Variants in GPC3 observed in about 807,000 individuals in gnomAD.
The protein encoded by GPC3 is glypican-3.
GPC3 carries 3 observed loss-of-function variants against 34.4 expected under a neutral mutation model. That is an observed-to-expected ratio of 0.09 (90% confidence interval 0.04 to 0.23). GPC3 has a LOEUF of 0.23. Ranked by LOEUF, GPC3 falls within the 10% of genes least tolerant of loss-of-function variation. GPC3 has a pLI of 1.00. For missense variants in GPC3, 351 were observed against 445.6 expected (o/e 0.79, Z 1.91); for synonymous variants, 177 against 174.0 (o/e 1.02, Z -0.13).
intron 6 of GPC3, among the ~76,000 whole-genome samples, chrX:133,624,503 A>G (rs2070274485): frequency 8.9e-6 from 1 of 111,968 alleles, no homozygotes; most frequent in African/African-American, 3.2e-5. Flanking sequence ...ACAGAAATAC[A>G]AACTACCATC....
chrX:133,788,088 T>TTATATATATA (rs56318773), intron 2 of GPC3, among the ~76,000 whole-genome samples: 1,563 of 64,655 alleles, frequency 0.024, 30 homozygotes, highest in Middle Eastern at 0.037. Flanking sequence ...TCATATTATT[T>TTATATATATA]TATATATATA....
At chrX:133,979,027 A>T (rs779384211) in intron 1 of GPC3, among the ~76,000 whole-genome samples, 1 of 112,412 alleles carries the variant, frequency 8.9e-6, no homozygotes, top group African/African-American at 3.2e-5. Context: ...AAAAATACAG[A>T]ATATTTTCAA....
At chrX:133,740,978 C>T (rs973822679) in intron 3 of GPC3, among the ~76,000 whole-genome samples, 7 of 110,644 alleles carry the variant, frequency 6.3e-5, no homozygotes, top group African/African-American at 2.3e-4. Context: ...CTCATTTAAT[C>T]TTAATCACTT....
At chrX:133,779,838 C>A in intron 2 of GPC3, among the ~76,000 whole-genome samples, 1 of 111,377 alleles carries the variant, frequency 9.0e-6, no homozygotes, top group Middle Eastern at 4.7e-3. Context: ...TATCCCCACC[C>A]CCAAGCCATT....
chrX:133,536,026 CAAAA>C lies in GPC3; in HGVS notation c.*94_*97del. ...TGGCTGGAGGAGGTATACAGGATAA[CAAAA>C]AAAAAAAAATAGAAAAAAATAAGAA... On this transcript the variant is annotated 3_prime_UTR_variant, in exon 8 of 8. Coordinates refer to ENST00000370818, the MANE Select transcript of GPC3 (RefSeq NM_004484.4). 3.6e-6 allele frequency: 2 copies of C among 551,737 alleles called. No homozygotes were observed. Among genetic ancestry groups the C allele is most frequent in the Non-Finnish European group, 5.6e-6 (2 of 355,595 alleles). The allele number at this position is 551,737 out of a possible 1,213,427, so 45.5% of individuals were successfully genotyped here.
intron 3 of GPC3, among the ~76,000 whole-genome samples, chrX:133,749,736 A>G (rs978613328): frequency 3.6e-5 from 4 of 111,524 alleles, no homozygotes; most frequent in African/African-American, 1.3e-4. Flanking sequence ...CTGAACCTCA[A>G]GCAGGACTGA....
At chrX:133,757,355 G>C (rs1219550795) in intron 2 of GPC3, among the ~76,000 whole-genome samples, 1 of 111,226 alleles carries the variant, frequency 9.0e-6, no homozygotes. Context: ...TGTTCAAAAA[G>C]GGATACAATT....
chrX:133,776,878 C>CTTTT lies in GPC3; in HGVS notation c.338-22706_338-22703dup, dbSNP rs10633635. On this transcript the variant is annotated intron_variant, in intron 2 of 7. Coordinates refer to ENST00000370818, the MANE Select transcript of GPC3 (RefSeq NM_004484.4). The stretch of plus-strand genomic sequence containing the variant: ...AGGAAGTAGTCACGTCCTTTCTTTT[C>CTTTT]TTTTTTTTTTTTTTTTTTTGAGATG... 3.6e-3 allele frequency among the ~76,000 whole-genome samples: 289 copies of CTTTT among 79,602 alleles called. 15 individuals are homozygous for CTTTT. The highest frequency in any genetic ancestry group is 5.1e-3 in the Admixed American group (28 of 5,449). 69.1% of individuals were successfully genotyped at this position (79,602 alleles called of 115,157 possible). A position where few individuals can be genotyped will look rare whatever the true frequency, so the allele number is the denominator to read the frequency against.
chrX:133,642,648 T>G (rs2070491812), intron 6 of GPC3, among the ~76,000 whole-genome samples: 1 of 108,923 alleles, frequency 9.2e-6, no homozygotes, highest in Non-Finnish European at 1.9e-5. Flanking sequence ...GGCGCATGCC[T>G]GTAATCCCAG....
At chrX:133,696,316 G>A (rs1300806662) in intron 4 of GPC3, among the ~76,000 whole-genome samples, 3 of 112,050 alleles carry the variant, frequency 2.7e-5, no homozygotes, top group Non-Finnish European at 5.6e-5. Flanking sequence ...AGGTGATAAT[G>A]TCCTCTGACA....
intron 6 of GPC3, among the ~76,000 whole-genome samples, chrX:133,599,882 A>G (rs1427889837): frequency 9.0e-6 from 1 of 111,489 alleles, no homozygotes; most frequent in African/African-American, 3.3e-5. Context: ...ATGTACTATG[A>G]GCTGTTCTTC....
intron 2 of GPC3, among the ~76,000 whole-genome samples, chrX:133,879,084 C>T (rs768207202): frequency 5.4e-5 from 6 of 111,218 alleles, no homozygotes; most frequent in Non-Finnish European, 9.4e-5. Flanking sequence ...TGCTGGATTA[C>T]TGTGGCTTTG....
intron 3 of GPC3, among the ~76,000 whole-genome samples, chrX:133,716,548 T>C (rs2071315233): frequency 8.9e-6 from 1 of 112,164 alleles, no homozygotes; most frequent in African/African-American, 3.2e-5. Flanking sequence ...AGTTCATTAA[T>C]GGGGCTTAGC....
chrX:133,554,339 G>T (rs1488809187), intron 7 of GPC3, among the ~76,000 whole-genome samples: 3 of 105,061 alleles, frequency 2.9e-5, no homozygotes, highest in Admixed American at 1.0e-4. Flanking sequence ...TTAGAGATGG[G>T]GTCTCACTCT....
intron 1 of GPC3, among the ~76,000 whole-genome samples, chrX:133,968,349 G>A (rs1431705121): frequency 8.9e-6 from 1 of 112,189 alleles, no homozygotes; most frequent in Non-Finnish European, 1.9e-5. Context: ...ACACATACTG[G>A]GTTCTCAAAA....
At chrX:133,658,178 T>C (rs1452115946) in intron 6 of GPC3, among the ~76,000 whole-genome samples, 2 of 107,506 alleles carry the variant, frequency 1.9e-5, no homozygotes, top group African/African-American at 7.5e-5. Flanking sequence ...ATCTGGATGA[T>C]TGATTGAGTT....
chrX:133,762,829 T>A (rs2071808638), intron 2 of GPC3: 6 of 521,655 alleles, frequency 1.2e-5, no homozygotes, highest in Non-Finnish European at 2.1e-5. Flanking sequence ...GCAAATGAAA[T>A]AGAAGGGTGT....
chrX:133,623,729 T>A (rs1054285621), intron 6 of GPC3, among the ~76,000 whole-genome samples: 1 of 111,567 alleles, frequency 9.0e-6, no homozygotes, highest in African/African-American at 3.3e-5. Context: ...AACACCCCAC[T>A]GCCAACATTA....
At chrX:133,911,771 C>T (rs1328546250) in intron 2 of GPC3, among the ~76,000 whole-genome samples, 1 of 111,726 alleles carries the variant, frequency 9.0e-6, no homozygotes, top group Non-Finnish European at 1.9e-5. Flanking sequence ...GAAGGAGTCA[C>T]AGAGATGCTA....
Sources: allele counts gnomAD v4.1 joint callset (sites outside exome capture counted in the v4.1 genomes callset), GRCh38; gene constraint gnomAD v4.1.1; transcripts MANE v1.5; gene names NCBI Gene and HGNC (gene_info 2026-07-23, HGNC 2026-07-21).